The following PRH1 variants were observed in gnomAD, a reference collection of about 807,000 sequenced individuals.
PRH1 encodes the protein salivary acidic proline-rich phosphoprotein 1/2.
A neutral mutation model predicts 7.9 loss-of-function variants in PRH1; 7 were observed. The observed-to-expected ratio is 0.89, with a 90% CI of 0.50 to 1.67. PRH1 has a LOEUF of 1.67. PRH1 is among the 40% of genes most tolerant of loss of function. PRH1 has a pLI of 0.00. For missense variants in PRH1, 109 were observed against 223.6 expected (o/e 0.49, Z 3.27); for synonymous variants, 45 against 80.8 (o/e 0.56, Z 2.38).
chr12:11,061,452 C>T lies in PRH1; in HGVS notation n.124-14264G>A, dbSNP rs764685134. Reference sequence around the variant, plus strand: ...AAGTCTGCTTTAGCTTCTTGTTTCCCCAAATCAGGATGAATGGGTGGGTTG... The same window carrying T: ...AAGTCTGCTTTAGCTTCTTGTTTCCTCAAATCAGGATGAATGGGTGGGTTG... On this transcript the variant is annotated intron_variant and non_coding_transcript_variant, in intron 1 of 4. Coordinates refer to the PRH1 transcript ENST00000541977. 16 of 1,614,118 alleles carry T rather than the reference C, an allele frequency of 9.9e-6. No homozygotes were observed. The South Asian group carries it at 1.8e-4, about 18-fold the overall frequency.
chr12:10,912,463 T>A (rs1949914153), intron 2 of PRH1, among the ~76,000 whole-genome samples: 1 of 152,136 alleles, frequency 6.6e-6, no homozygotes, highest in Admixed American at 6.5e-5. Flanking sequence ...TTCATATTAT[T>A]TGCTTTTCTT....
intron 2 of PRH1, among the ~76,000 whole-genome samples, chr12:10,925,879 A>G (rs1202714924): frequency 6.6e-6 from 1 of 152,198 alleles, no homozygotes; most frequent in Non-Finnish European, 1.5e-5. Context: ...CCTTTATAAG[A>G]ACATTGTTAT....
intron 1 of PRH1, among the ~76,000 whole-genome samples, chr12:11,111,951 T>TA (rs34711775): frequency 0.46 from 69,092 of 151,698 alleles, 16,534 homozygotes; most frequent in Non-Finnish European, 0.53. Context: ...ATAGACACAA[T>TA]AAAAAATAAT....
chr12:11,121,446 T>A lies in PRH1; in HGVS notation n.40-266A>T, dbSNP rs73266577. Among the ~76,000 whole-genome samples, 1,400 of 152,336 alleles carry A rather than the reference T, an allele frequency of 9.2e-3. 17 individuals carry two copies. The highest frequency in any genetic ancestry group is 0.032 in the African/African-American group (1,316 of 41,576). On this transcript the variant is annotated intron_variant and non_coding_transcript_variant, in intron 1 of 1. Coordinates refer to the PRH1 transcript ENST00000541175. ...GGGAGACAAAGGAGATAATTGGAAATTCAGGGGCTCAGAGGTGGCTAAGCA... is the reference window on the plus strand; with the variant it reads ...GGGAGACAAAGGAGATAATTGGAAAATCAGGGGCTCAGAGGTGGCTAAGCA...
chr12:10,945,246 T>G (rs1332184474), intron 2 of PRH1, among the ~76,000 whole-genome samples: 6 of 152,188 alleles, frequency 3.9e-5, no homozygotes, highest in Non-Finnish European at 5.9e-5. Flanking sequence ...ATTATTGGTC[T>G]GTGCAGGGAA....
chr12:10,985,879 A>G (rs1939589346), intron 1 of PRH1: 9 of 1,346,018 alleles, frequency 6.7e-6, no homozygotes, highest in African/African-American at 1.5e-5. Flanking sequence ...TGTTCCAGAC[A>G]CTATCAGTTT....
chr12:11,046,431 T>C (rs536791453), intron 1 of PRH1, among the ~76,000 whole-genome samples: 2 of 152,144 alleles, frequency 1.3e-5, no homozygotes, highest in South Asian at 2.1e-4. Context: ...GGCCTTCTCC[T>C]TTCTCAGATT....
At chr12:10,986,756 C>G (rs746944885) in intron 1 of PRH1, 1 of 1,610,434 alleles carries the variant, frequency 6.2e-7, no homozygotes, top group Non-Finnish European at 8.5e-7. Flanking sequence ...TTCTCTTCAC[C>G]CAGTCAATGA....
At chr12:11,101,500 T>C (rs1445863640) in intron 1 of PRH1, among the ~76,000 whole-genome samples, 1 of 151,458 alleles carries the variant, frequency 6.6e-6, no homozygotes, top group Non-Finnish European at 1.5e-5. Flanking sequence ...AAAATAAAAA[T>C]AGAAAAGTTT....
chr12:11,133,610 T>G (rs749894336), intron 1 of PRH1: 2 of 1,614,254 alleles, frequency 1.2e-6, no homozygotes, highest in Non-Finnish European at 1.7e-6. Context: ...TCCTTTGCCA[T>G]GGAGCTGCAT....
chr12:10,969,186 C>T (rs1397533244), intron 2 of PRH1, among the ~76,000 whole-genome samples: 2 of 152,204 alleles, frequency 1.3e-5, no homozygotes, highest in Non-Finnish European at 2.9e-5. Context: ...CCAGACTCTT[C>T]TCGAAAGTCA....
intron 1 of PRH1, among the ~76,000 whole-genome samples, chr12:11,160,195 C>T (rs560023254): frequency 1.3e-5 from 2 of 152,266 alleles, no homozygotes; most frequent in East Asian, 3.9e-4. Flanking sequence ...ATTTGTCTCT[C>T]ATTCAGTAAC....
At chr12:10,886,913 G>T (rs1365644295), upstream of PRH1, among the ~76,000 whole-genome samples, 5 of 152,110 alleles carry the variant, frequency 3.3e-5, no homozygotes, top group Non-Finnish European at 7.4e-5. Flanking sequence ...TCTCCTGGAG[G>T]ACTTTACCAG....
At chr12:11,045,242 G>A (rs895196951) in intron 1 of PRH1, among the ~76,000 whole-genome samples, 6 of 151,010 alleles carry the variant, frequency 4.0e-5, no homozygotes, top group Non-Finnish European at 7.4e-5. Flanking sequence ...TGGACATAGA[G>A]AGTACATGGA....
At chr12:11,010,243 A>C (rs1289694448) in intron 1 of PRH1, among the ~76,000 whole-genome samples, 1 of 152,000 alleles carries the variant, frequency 6.6e-6, no homozygotes, top group Non-Finnish European at 1.5e-5. Flanking sequence ...AATGTCTTAG[A>C]CATTATCAAA....
chr12:10,891,067 T>A (rs534021873), intron 2 of PRH1, among the ~76,000 whole-genome samples: 1 of 152,138 alleles, frequency 6.6e-6, no homozygotes, highest in East Asian at 1.9e-4. Flanking sequence ...TTCTGTAGGG[T>A]CTTTGGTGTC....
Position 11,082,295 on chromosome 12 carries a change from C to T in PRH1, n.124-35107G>A, listed in dbSNP as rs1419248641. 1.7e-5 allele frequency among the ~76,000 whole-genome samples: 2 copies of T among 114,304 alleles called. 1 individual carries two copies. Among genetic ancestry groups the T allele is most frequent in the East Asian group, 4.2e-4 (2 of 4,722 alleles). 75.0% of individuals were successfully genotyped at this position (114,304 alleles called of 152,430 possible). On this transcript the variant is annotated intron_variant and non_coding_transcript_variant, in intron 1 of 4. Coordinates refer to the PRH1 transcript ENST00000541977. ...TTGGTGGGAGAACACTATTATTCTTCCTCATAGATACACAATTTTTTTTTT... is the reference window on the plus strand; with the variant it reads ...TTGGTGGGAGAACACTATTATTCTTTCTCATAGATACACAATTTTTTTTTT...
chr12:11,159,104 G>A (rs1041521104), intron 1 of PRH1: 10 of 152,248 alleles, frequency 6.6e-5, no homozygotes, highest in East Asian at 3.9e-4. Flanking sequence ...TCTCACTAAG[G>A]ATATAAATAA....
At chr12:11,061,375 G>A in intron 1 of PRH1, 1 of 1,612,586 alleles carries the variant, frequency 6.2e-7, no homozygotes, top group Non-Finnish European at 8.5e-7. Context: ...CTATGAAGAT[G>A]AAGGCTTCTC....
Sources: allele counts gnomAD v4.1 joint callset (sites outside exome capture counted in the v4.1 genomes callset), GRCh38; gene constraint gnomAD v4.1.1; transcripts MANE v1.5; gene names NCBI Gene and HGNC (gene_info 2026-07-23, HGNC 2026-07-21).